Variants in ROR1 observed in about 807,000 individuals in gnomAD.
ROR1 encodes the protein inactive tyrosine-protein kinase transmembrane receptor ROR1.
ROR1 carries 19 observed loss-of-function variants against 78.8 expected under a neutral mutation model. That is an observed-to-expected ratio of 0.24 (90% CI 0.17 to 0.35). The LOEUF is 0.35. Among genes scored for constraint, ROR1 ranks in the 10% least tolerant of loss-of-function variants. ROR1 has a pLI of 1.00. For synonymous variants in ROR1, 386 were observed against 433.6 expected (o/e 0.89, Z 1.36); for missense variants, 917 against 1,177.8 (o/e 0.78, Z 3.24).
intron 2 of ROR1, among the ~76,000 whole-genome samples, chr1:64,025,891 A>G (rs1172504936): frequency 1.3e-5 from 2 of 152,148 alleles, no homozygotes; most frequent in East Asian, 3.9e-4. Context: ...GTGAGGGATA[A>G]AAGACTACTA....
At chr1:63,921,595 A>G (rs1189506436) in intron 1 of ROR1, among the ~76,000 whole-genome samples, 3 of 149,934 alleles carry the variant, frequency 2.0e-5, no homozygotes, top group African/African-American at 7.4e-5. Context: ...ACGGTTTACA[A>G]TGCTAACACA....
Position 63,934,269 on chromosome 1 carries a change from C to A in ROR1, c.92-75036C>A, listed in dbSNP as rs770332891. On this transcript the variant is annotated intron_variant, in intron 1 of 8. Transcript: ENST00000371079. ...AGTAAGGGCCTGGCTCTGAGCTAGA[C>A]CCCCCTGGTTTGAACCGAGCCATAC... Among the ~76,000 whole-genome samples the A allele has an allele frequency of 1.5e-4, 23 of 152,198 alleles. No individual in the cohort carries two copies. The Middle Eastern group carries it at 0.01, about 68-fold the overall frequency.
intron 1 of ROR1, among the ~76,000 whole-genome samples, chr1:63,919,709 A>G (rs974153816): frequency 6.6e-6 from 1 of 151,966 alleles, no homozygotes; most frequent in African/African-American, 2.4e-5. Context: ...TCTTTGTTCA[A>G]TTGGGGATCA....
intron 1 of ROR1, among the ~76,000 whole-genome samples, chr1:63,932,126 T>C (rs1236046758): frequency 6.6e-6 from 1 of 152,178 alleles, no homozygotes; most frequent in Non-Finnish European, 1.5e-5. Flanking sequence ...AGCCATCGAA[T>C]ACATAAAGCC....
At chr1:63,921,103 A>G (rs894824912) in intron 1 of ROR1, among the ~76,000 whole-genome samples, 3 of 152,240 alleles carry the variant, frequency 2.0e-5, no homozygotes, top group Non-Finnish European at 4.4e-5. Flanking sequence ...ACTGTGTGCC[A>G]GACACCATGA....
chr1:63,960,689 G>A (rs1433385818), intron 1 of ROR1, among the ~76,000 whole-genome samples: 1 of 152,134 alleles, frequency 6.6e-6, no homozygotes, highest in Non-Finnish European at 1.5e-5. Context: ...GTGTTATAGA[G>A]CCCCTCAAAA....
chr1:63,781,621 A>G (rs114847493), intron 1 of ROR1, among the ~76,000 whole-genome samples: 383 of 152,334 alleles, frequency 2.5e-3, no homozygotes, highest in African/African-American at 8.4e-3. Flanking sequence ...TCAGGGGATT[A>G]GAGGGTCAGA....
chr1:63,956,263 G>A (rs1399969854), intron 1 of ROR1, among the ~76,000 whole-genome samples: 1 of 152,152 alleles, frequency 6.6e-6, no homozygotes, highest in Admixed American at 6.5e-5. Flanking sequence ...GCTCTAGCTG[G>A]GTGGCTGGTC....
chr1:63,789,984 C>T (rs954676379), intron 1 of ROR1, among the ~76,000 whole-genome samples: 1 of 152,086 alleles, frequency 6.6e-6, no homozygotes. Context: ...TGGGCTGTTC[C>T]CTCCCACAGA....
intron 4 of ROR1, among the ~76,000 whole-genome samples, chr1:64,078,290 A>G (rs967652863): frequency 2.0e-5 from 3 of 152,214 alleles, no homozygotes; most frequent in African/African-American, 7.2e-5. Flanking sequence ...TTTGCCAACT[A>G]GACAAGCAGG....
At chr1:63,852,265 C>G (rs1368377929) in intron 1 of ROR1, among the ~76,000 whole-genome samples, 1 of 152,228 alleles carries the variant, frequency 6.6e-6, no homozygotes, top group African/African-American at 2.4e-5. Context: ...CTGTTTCACT[C>G]TGCCGGGGCA....
At chr1:63,896,825 C>T (rs183649998) in intron 1 of ROR1, among the ~76,000 whole-genome samples, 5 of 152,302 alleles carry the variant, frequency 3.3e-5, no homozygotes, top group African/African-American at 4.8e-5. Context: ...CACATCTCAC[C>T]TTGGAGCCTT....
At chr1:64,145,148 C>T (rs1649440996) in intron 7 of ROR1, among the ~76,000 whole-genome samples, 2 of 152,104 alleles carry the variant, frequency 1.3e-5, no homozygotes, top group Non-Finnish European at 2.9e-5. Context: ...AATGCTTGCT[C>T]TCAGCTCAGC....
At chr1:64,168,546 A>G (rs540087793) in intron 8 of ROR1, among the ~76,000 whole-genome samples, 5 of 152,290 alleles carry the variant, frequency 3.3e-5, no homozygotes, top group Non-Finnish European at 5.9e-5. Context: ...AGTATATTGT[A>G]TATACAGTAT....
chr1:63,896,876 ACT>A (rs778753423), intron 1 of ROR1, among the ~76,000 whole-genome samples: 1 of 151,986 alleles, frequency 6.6e-6, no homozygotes, highest in Non-Finnish European at 1.5e-5. Context: ...TCGAGTTCTG[ACT>A]CTCTATTAAT....
At chr1:64,127,566 C>T (rs2100694962) in intron 4 of ROR1, among the ~76,000 whole-genome samples, 1 of 152,054 alleles carries the variant, frequency 6.6e-6, no homozygotes, top group African/African-American at 2.4e-5. Context: ...CTGTGTGTGT[C>T]TGTCTCTTTC....
At chr1:64,091,454 T>A (rs1647196496) in intron 4 of ROR1, among the ~76,000 whole-genome samples, 1 of 152,174 alleles carries the variant, frequency 6.6e-6, no homozygotes, top group Admixed American at 6.5e-5. Context: ...TCACATGTAA[T>A]AAGTGAGGTT....
intron 1 of ROR1, among the ~76,000 whole-genome samples, chr1:63,937,968 C>T (rs1207366799): frequency 6.6e-6 from 1 of 152,154 alleles, no homozygotes; most frequent in Non-Finnish European, 1.5e-5. Flanking sequence ...CTAAACACCA[C>T]CAGATTCTCC....
intron 2 of ROR1, among the ~76,000 whole-genome samples, chr1:64,029,399 CT>C (rs1028211578): frequency 6.6e-6 from 1 of 152,200 alleles, no homozygotes; most frequent in African/African-American, 2.4e-5. Flanking sequence ...AATATACCCT[CT>C]GACTCTCTTC....
Sources: gnomAD v4.1 joint callset for allele counts (sites outside exome capture counted in the v4.1 genomes callset) on GRCh38, gnomAD v4.1.1 for gene constraint, MANE v1.5 for transcripts, NCBI Gene and HGNC (gene_info 2026-07-23, HGNC 2026-07-21) for gene names.